TOPAZ1: variants seen among roughly 807,000 people sequenced by gnomAD.
TOPAZ1 encodes the protein testis and ovary specific TOPAZ 1.
In TOPAZ1, 66 loss-of-function variants were observed where a neutral mutation model predicts 172.2. The observed-to-expected ratio is 0.38, with a 90% CI of 0.31 to 0.47. The LOEUF (loss-of-function observed/expected upper bound fraction) is 0.47, where lower values mean the gene tolerates loss of function less well. Ranked by LOEUF, TOPAZ1 falls within the 20% of genes least tolerant of loss-of-function variation. TOPAZ1 has a pLI of 0.99. For synonymous variants in TOPAZ1, 681 were observed against 683.9 expected, an observed-to-expected ratio of 1.00 and a Z score of 0.07; for missense variants, 1,822 against 1,972.4, an observed-to-expected ratio of 0.92 and a Z score of 1.44.
At position 44,307,609 on chromosome 3, in the gene TOPAZ1, G is replaced by A. The variant is rs572365276; in HGVS notation, c.4140+1183G>A. Among the ~76,000 whole-genome samples, 371 of 152,230 alleles carry A rather than the reference G, an allele frequency of 2.4e-3. 2 individuals carry two copies. The highest frequency in any genetic ancestry group is 4.6e-3 in the Non-Finnish European group (310 of 68,016). ...AGGGATGGAGTTTATATAGAGAGTAGAGTAGAGAGTGTGGTCACTATTGAA... is the reference window on the plus strand; with the variant it reads ...AGGGATGGAGTTTATATAGAGAGTAAAGTAGAGAGTGTGGTCACTATTGAA... On this transcript the variant is annotated intron_variant, in intron 15 of 19. Coordinates refer to ENST00000309765, the MANE Select transcript of TOPAZ1 (RefSeq NM_001145030.2).
At chr3:44,280,055 G>A (rs1377856058) in intron 8 of TOPAZ1, among the ~76,000 whole-genome samples, 2 of 152,122 alleles carry the variant, frequency 1.3e-5, no homozygotes, top group African/African-American at 2.4e-5. Flanking sequence ...TGTAGGGCTG[G>A]TGTAGTGGTG....
Position 44,269,124 on chromosome 3 carries a change from T to C in TOPAZ1, c.3161-92T>C, listed in dbSNP as rs1575713636. ...ATATGAATATTTCAAAGTGAAACTT[T>C]AAAGCAGATAGTAGTGATCATCTAT... On this transcript the variant is annotated intron_variant, in intron 6 of 19. Coordinates refer to ENST00000309765, the MANE Select transcript of TOPAZ1 (RefSeq NM_001145030.2). The C allele has an allele frequency of 5.3e-6, 4 of 755,492 alleles. No individual in the cohort carries two copies. In the East Asian group the frequency reaches 8.1e-5, roughly 15 times the overall value. The allele number at this position is 755,492 out of a possible 1,614,324, so 46.8% of individuals were successfully genotyped here.
intron 8 of TOPAZ1, among the ~76,000 whole-genome samples, chr3:44,279,959 T>C (rs950856840): frequency 2.0e-5 from 3 of 152,212 alleles, no homozygotes; most frequent in African/African-American, 7.2e-5. Context: ...GTTTGTATGC[T>C]CTGCTTTATC....
At position 44,328,378 on chromosome 3, in the gene TOPAZ1, A is replaced by G. The variant is rs1422365645; in HGVS notation, c.4804A>G (p.Ser1602Gly). The change falls in exon 19 of 20, where the codon AGT (serine) becomes GGT (glycine). Residue 1602 changes from serine to glycine, a missense_variant. Physicochemically the swap from Ser to Gly is moderately conservative, Grantham distance 56 (BLOSUM62 0). Around this residue, in one of 2 missense-constraint regions of TOPAZ1, gnomAD observed 333 missense variants for 481.7 expected, o/e 0.69. Transcript: ENST00000309765. ...AIEIFMVSNA[S>G]SIQSPGTSTQ... ...TGAAATCTTCATGGTATCTAATGCTAGTAGTATTCAGAGTCCTGGAACTTC... is the reference window on the plus strand; with the variant it reads ...TGAAATCTTCATGGTATCTAATGCTGGTAGTATTCAGAGTCCTGGAACTTC... The G allele has an allele frequency of 6.6e-7, 1 of 1,523,006 alleles. No individual in the cohort carries two copies. The highest frequency in any genetic ancestry group is 8.8e-7 in the Non-Finnish European group (1 of 1,137,260). 94.3% of individuals were successfully genotyped at this position (1,523,006 alleles called of 1,614,324 possible).
chr3:44,242,543 C>G, intron 1 of TOPAZ1, 144 bp downstream of exon 1: 1 of 947,458 alleles, frequency 1.1e-6, no homozygotes, highest in Non-Finnish European at 1.6e-6. Flanking sequence ...AATGGATTTC[C>G]TTAAAAGGGG....
intron 19 of TOPAZ1, among the ~76,000 whole-genome samples, chr3:44,330,951 T>C (rs1480014258): frequency 6.6e-6 from 1 of 152,164 alleles, no homozygotes; most frequent in African/African-American, 2.4e-5. Context: ...TAACCAGAAA[T>C]ATAATAAAGC....
chr3:44,281,239 G>A (rs1409369503), intron 8 of TOPAZ1, among the ~76,000 whole-genome samples: 7 of 152,158 alleles, frequency 4.6e-5, no homozygotes, highest in Non-Finnish European at 1.0e-4. Flanking sequence ...AAATCCCACT[G>A]AACTGCATTC....
chr3:44,333,916 G>T (rs1700696398), downstream of TOPAZ1, among the ~76,000 whole-genome samples: 1 of 152,172 alleles, frequency 6.6e-6, no homozygotes, highest in Non-Finnish European at 1.5e-5. Flanking sequence ...TTTTTCCTTA[G>T]GAGTATTTAT....
chr3:44,307,941 G>T (rs1700353595), intron 15 of TOPAZ1, among the ~76,000 whole-genome samples: 1 of 151,998 alleles, frequency 6.6e-6, no homozygotes. Flanking sequence ...TTTAGTGCTT[G>T]GGAATTTGAG....
chr3:44,287,432 A>C lies in TOPAZ1; in HGVS notation c.3480A>C (p.Val1160=), dbSNP rs149078369. ...ACTACAGAAAGTTTCCCCCAGGTGT[A>C]TACTTTGATTTACAAGTGCTAAATG... ...MEYYRKFPPG[V]YFDLQVLNDL... Residue 1160 remains valine, a synonymous_variant, in exon 10 of 20, where the codon GTA becomes GTC. Transcript: ENST00000309765. 2,880 of 1,523,862 alleles carry C rather than the reference A, an allele frequency of 1.9e-3. 1 individual carries two copies. The highest frequency in any genetic ancestry group is 2.4e-3 in the Non-Finnish European group (2,704 of 1,133,554). The allele number at this position is 1,523,862 out of a possible 1,614,324, so 94.4% of individuals were successfully genotyped here.
intron 6 of TOPAZ1, 116 bp from the exon 7 acceptor site, chr3:44,269,095 CTGAAT>C: frequency 1.5e-6 from 1 of 678,676 alleles, no homozygotes; most frequent in Non-Finnish European, 2.6e-6. Context: ...AGTCTGTGAA[CTGAAT>C]ATGAATATTT....
chr3:44,271,570 T>C (rs1360964859), intron 8 of TOPAZ1, among the ~76,000 whole-genome samples: 1 of 152,144 alleles, frequency 6.6e-6, no homozygotes, highest in Non-Finnish European at 1.5e-5. Flanking sequence ...AATCATTTAT[T>C]ACTTTAGAAG....
downstream of TOPAZ1, among the ~76,000 whole-genome samples, chr3:44,335,142 C>T (rs188294121): frequency 1.3e-5 from 2 of 152,056 alleles, no homozygotes; most frequent in East Asian, 1.9e-4. Flanking sequence ...ATCATCATAA[C>T]GAAGAGAATT....
chr3:44,266,241 T>A (rs1699828902), intron 5 of TOPAZ1, among the ~76,000 whole-genome samples: 2 of 152,250 alleles, frequency 1.3e-5, no homozygotes, highest in Admixed American at 1.3e-4. Context: ...TGTGACTGGT[T>A]TGATCTTCCA....
chr3:44,262,356 C>G (rs1699784313), intron 4 of TOPAZ1, 63 bp from the exon 5 acceptor site: 2 of 792,450 alleles, frequency 2.5e-6, no homozygotes, highest in Non-Finnish European at 3.9e-6. Context: ...CAGTAAGCCT[C>G]ATAGCTTAGT....
chr3:44,286,477 A>G (rs796800699), intron 9 of TOPAZ1, among the ~76,000 whole-genome samples: 10 of 152,328 alleles, frequency 6.6e-5, no homozygotes, highest in African/African-American at 2.4e-4. Flanking sequence ...TATATAAAAA[A>G]GCTTTACAAG....
chr3:44,249,635 G>A (rs1346420399), intron 2 of TOPAZ1, among the ~76,000 whole-genome samples: 2 of 152,062 alleles, frequency 1.3e-5, no homozygotes, highest in Non-Finnish European at 2.9e-5. Flanking sequence ...TTTCTTAAGG[G>A]TAAGAAATGT....
chr3:44,296,159 A>G (rs921769557), intron 12 of TOPAZ1, among the ~76,000 whole-genome samples: 25 of 152,212 alleles, frequency 1.6e-4, no homozygotes, highest in African/African-American at 6.0e-4. Context: ...GTGAACTGTT[A>G]GAACTGAATA....
chr3:44,256,780 T>G (rs1259129073), intron 4 of TOPAZ1, among the ~76,000 whole-genome samples: 1 of 152,192 alleles, frequency 6.6e-6, no homozygotes, highest in Non-Finnish European at 1.5e-5. Context: ...TAATATTTGC[T>G]CTTAAGATAT....
Sources: allele counts gnomAD v4.1 joint callset (sites outside exome capture counted in the v4.1 genomes callset), GRCh38; gene constraint gnomAD v4.1.1; regional missense constraint gnomAD v4.1.1; transcripts MANE v1.5; gene names NCBI Gene and HGNC (gene_info 2026-07-23, HGNC 2026-07-21).